The following KCTD16 variants were observed in gnomAD, a reference collection of about 807,000 sequenced individuals.
The protein encoded by KCTD16 is BTB/POZ domain-containing protein KCTD16.
A neutral mutation model predicts 33.2 loss-of-function variants in KCTD16; 13 were observed. That is an observed-to-expected ratio of 0.39 (90% CI 0.25 to 0.62). KCTD16 has a LOEUF of 0.62. Among genes scored for constraint, KCTD16 ranks in the 20% least tolerant of loss-of-function variants. KCTD16 has a pLI of 0.50. For missense variants in KCTD16, 441 were observed against 525.1 expected, an observed-to-expected ratio of 0.84 and a Z score of 1.57; for synonymous variants, 197 against 195.3, an observed-to-expected ratio of 1.01 and a Z score of -0.07.
At chr5:144,441,254 T>C (rs1753701220) in intron 3 of KCTD16, among the ~76,000 whole-genome samples, 1 of 152,126 alleles carries the variant, frequency 6.6e-6, no homozygotes. Context: ...CAGCACAAAG[T>C]TGCTAATTTT....
At chr5:144,458,125 A>C (rs533980087) in intron 3 of KCTD16, among the ~76,000 whole-genome samples, 2 of 152,284 alleles carry the variant, frequency 1.3e-5, no homozygotes, top group African/African-American at 4.8e-5. Context: ...AACAATGACA[A>C]ATTTATTTAT....
At chr5:144,397,831 T>C (rs941316320) in intron 3 of KCTD16, among the ~76,000 whole-genome samples, 1 of 152,308 alleles carries the variant, frequency 6.6e-6, no homozygotes, top group East Asian at 1.9e-4. Flanking sequence ...TTGTATTGTA[T>C]TATCTTGGAA....
chr5:144,424,968 G>A (rs115032887), intron 3 of KCTD16, among the ~76,000 whole-genome samples: 2,397 of 152,170 alleles, frequency 0.016, 56 homozygotes, highest in African/African-American at 0.053. Flanking sequence ...TACATCTATT[G>A]TATTCCAATA....
At position 144,425,680 on chromosome 5, in the gene KCTD16, C is replaced by G. The variant is rs140305110; in HGVS notation, c.833-47980C>G. ...TACCTTCTGGAGTAGCAGCATGTAC[C>G]ACGCCTGGACTCACTTGAGCCATGA... On this transcript the variant is annotated intron_variant, in intron 3 of 3. Transcript: ENST00000512467. 5.2e-3 allele frequency among the ~76,000 whole-genome samples: 794 copies of G among 152,022 alleles called. 8 individuals carry two copies. The highest frequency in any genetic ancestry group is 0.018 in the African/African-American group (761 of 41,474).
intron 3 of KCTD16, among the ~76,000 whole-genome samples, chr5:144,350,616 G>A (rs993891499): frequency 3.9e-5 from 6 of 152,138 alleles, no homozygotes; most frequent in African/African-American, 1.4e-4. Context: ...ATTAATGATA[G>A]ACATTTTAGT....
chr5:144,434,074 A>G (rs1753525908), intron 3 of KCTD16, among the ~76,000 whole-genome samples: 1 of 152,160 alleles, frequency 6.6e-6, no homozygotes, highest in South Asian at 2.1e-4. Context: ...ACTGAAAGCT[A>G]ATTGCTTTCT....
chr5:144,460,096 T>G (rs1211826189), intron 3 of KCTD16, among the ~76,000 whole-genome samples: 1 of 152,154 alleles, frequency 6.6e-6, no homozygotes, highest in African/African-American at 2.4e-5. Flanking sequence ...CCTCCCAAAG[T>G]GCTGGGATTA....
intron 3 of KCTD16, among the ~76,000 whole-genome samples, chr5:144,451,511 T>C (rs1324574374): frequency 6.6e-6 from 1 of 152,174 alleles, no homozygotes; most frequent in African/African-American, 2.4e-5. Context: ...GCCAGTGTTA[T>C]AACAAATAAC....
At chr5:144,420,069 G>A (rs943404494) in intron 3 of KCTD16, among the ~76,000 whole-genome samples, 1 of 152,132 alleles carries the variant, frequency 6.6e-6, no homozygotes, top group Non-Finnish European at 1.5e-5. Flanking sequence ...ACTAAGTACT[G>A]TTCTCAATGC....
At chr5:144,275,271 C>T (rs1754738459) in intron 3 of KCTD16, among the ~76,000 whole-genome samples, 1 of 152,170 alleles carries the variant, frequency 6.6e-6, no homozygotes, top group Non-Finnish European at 1.5e-5. Context: ...CAAAAACGAT[C>T]CCACCTCCCA....
At chr5:144,256,364 A>T (rs568057190) in intron 3 of KCTD16, among the ~76,000 whole-genome samples, 27 of 152,330 alleles carry the variant, frequency 1.8e-4, no homozygotes, top group African/African-American at 6.5e-4. Flanking sequence ...AAAATAATTG[A>T]CGGCTGTTTG....
Position 144,257,165 on chromosome 5 carries a change from C to T in KCTD16, c.832+49619C>T, listed in dbSNP as rs192913097. On this transcript the variant is annotated intron_variant, in intron 3 of 3. Coordinates refer to ENST00000512467, the MANE Select transcript of KCTD16 (RefSeq NM_020768.4). ...GGGCAGTGATTTGTGCATTGTTTACCTTGATATTTCCCAAAGCACAATACT... is the reference window on the plus strand; with the variant it reads ...GGGCAGTGATTTGTGCATTGTTTACTTTGATATTTCCCAAAGCACAATACT... 3.2e-4 allele frequency among the ~76,000 whole-genome samples: 49 copies of T among 152,170 alleles called. No homozygotes were observed. In the East Asian group the frequency reaches 7.5e-3, roughly 23 times the overall value.
In KCTD16 at chr5:144,442,872, C is replaced by A. The variant is rs115825427; in HGVS notation, c.833-30788C>A. 3.6e-3 allele frequency among the ~76,000 whole-genome samples: 555 copies of A among 152,112 alleles called. 4 individuals carry two copies. The highest frequency in any genetic ancestry group is 0.013 in the African/African-American group (533 of 41,492). On this transcript the variant is annotated intron_variant, in intron 3 of 3. Transcript: ENST00000512467. ...TGCTCTATACTAGGTACTAGGGATA[C>A]AAGTGGAAGTCCCTGGTTTTTGTTG...
chr5:144,463,191 T>C (rs1249555218), intron 3 of KCTD16, among the ~76,000 whole-genome samples: 1 of 152,194 alleles, frequency 6.6e-6, no homozygotes, highest in Non-Finnish European at 1.5e-5. Context: ...ATTAATTCTT[T>C]GGTAGAAAGC....
At chr5:144,238,054 T>G (rs1202919422) in intron 3 of KCTD16, among the ~76,000 whole-genome samples, 1 of 152,172 alleles carries the variant, frequency 6.6e-6, no homozygotes, top group Non-Finnish European at 1.5e-5. Context: ...ATGCCATCAC[T>G]GTGGAGAACA....
At chr5:144,229,927 A>G (rs868815510) in intron 3 of KCTD16, among the ~76,000 whole-genome samples, 4 of 152,200 alleles carry the variant, frequency 2.6e-5, no homozygotes, top group African/African-American at 9.7e-5. Context: ...TAATCACTTG[A>G]GGCCAGTAGT....
At chr5:144,278,328 A>C (rs2126852489) in intron 3 of KCTD16, among the ~76,000 whole-genome samples, 1 of 152,054 alleles carries the variant, frequency 6.6e-6, no homozygotes, top group Non-Finnish European at 1.5e-5. Flanking sequence ...GTCTATTTCT[A>C]GAATCTTTAG....
At chr5:144,316,719 G>C (rs1751926053) in intron 3 of KCTD16, among the ~76,000 whole-genome samples, 1 of 151,534 alleles carries the variant, frequency 6.6e-6, no homozygotes. Context: ...CGCTGTGTTA[G>C]TCAGGCTGGT....
rs548647946 is a variant in KCTD16 at position 144,446,059 on chromosome 5, A to C, written c.833-27601A>C. 2.0e-5 allele frequency among the ~76,000 whole-genome samples: 3 copies of C among 151,930 alleles called. No individual in the cohort carries two copies. In the East Asian group the frequency reaches 5.8e-4, roughly 30 times the overall value. ...TTCTATACAGATGCCATTATCATGT[A>C]GGTCTTGTGATTGTAGATGATTTGT... On this transcript the variant is annotated intron_variant, in intron 3 of 3. Coordinates refer to ENST00000512467, the MANE Select transcript of KCTD16 (RefSeq NM_020768.4).
Sources: gnomAD v4.1 joint callset for allele counts (sites outside exome capture counted in the v4.1 genomes callset) on GRCh38, gnomAD v4.1.1 for gene constraint, MANE v1.5 for transcripts, NCBI Gene and HGNC (gene_info 2026-07-23, HGNC 2026-07-21) for gene names.